Variants in KLC1 observed in about 807,000 individuals in gnomAD.
The protein encoded by KLC1 is kinesin 2 60/70kDa.
A neutral mutation model predicts 84.2 loss-of-function variants in KLC1; 30 were observed. The observed-to-expected ratio is 0.36, with a 90% CI of 0.27 to 0.48. KLC1 has a LOEUF of 0.48. Ranked by LOEUF, KLC1 falls within the 20% of genes least tolerant of loss-of-function variation. The pLI is 0.99. For missense variants in KLC1, 499 were observed against 805.4 expected, an observed-to-expected ratio of 0.62 and a Z score of 4.60; for synonymous variants, 289 against 293.3, an observed-to-expected ratio of 0.99 and a Z score of 0.15.
chr14:103,688,404 G>A (rs2081912573), intron 14 of KLC1, among the ~76,000 whole-genome samples: 1 of 152,122 alleles, frequency 6.6e-6, no homozygotes, highest in African/African-American at 2.4e-5. Context: ...TCCCGTCTCG[G>A]CCTCCCAAAT....
intron 13 of KLC1, 126 bp from the exon 14 acceptor site, chr14:103,686,953 ACT>A (rs2081815404): frequency 1.3e-5 from 7 of 527,574 alleles, no homozygotes; most frequent in African/African-American, 5.7e-5. Context: ...TTTCTGCAAG[ACT>A]CTGTCAGCAG....
intron 1 of KLC1, among the ~76,000 whole-genome samples, chr14:103,653,168 G>A (rs1245443262): frequency 1.3e-5 from 2 of 152,106 alleles, no homozygotes; most frequent in African/African-American, 2.4e-5. Context: ...TAAAGAGACA[G>A]GGTCTTGCTC....
At chr14:103,669,217 A>T (rs2080165088) in intron 5 of KLC1, among the ~76,000 whole-genome samples, 1 of 151,870 alleles carries the variant, frequency 6.6e-6, no homozygotes, top group Non-Finnish European at 1.5e-5. Context: ...CGGGTGGATC[A>T]TGAGGTCAGG....
At chr14:103,670,961 G>T (rs1464085531) in intron 7 of KLC1, among the ~76,000 whole-genome samples, 4 of 152,022 alleles carry the variant, frequency 2.6e-5, no homozygotes, top group Non-Finnish European at 4.4e-5. Context: ...TGAGGCGTGT[G>T]CATTTAGAAA....
intron 15 of KLC1, 113 bp from the exon 16 acceptor site, chr14:103,700,542 G>A (rs1243425157): frequency 5.9e-6 from 5 of 841,060 alleles, no homozygotes; most frequent in Non-Finnish European, 9.4e-6. Context: ...CCCCTAGGCT[G>A]TCCCTCAAGT....
chr14:103,669,070 A>G (rs951474983), intron 5 of KLC1, among the ~76,000 whole-genome samples: 1 of 151,854 alleles, frequency 6.6e-6, no homozygotes, highest in East Asian at 1.9e-4. Flanking sequence ...GAGCCACTGC[A>G]CCCGGCCCTG....
rs1595586224 is a variant in KLC1, at chr14:103,694,653, A to G, written c.1848+2228A>G. On this transcript the variant is annotated intron_variant, in intron 15 of 16. Transcript: ENST00000334553. The surrounding 1 kb of genome is among the most constrained non-coding windows in gnomAD (Gnocchi z 4.5). ...AGCAGCGCCACCTCCATGCCAGCCA[A>G]CTAGGCTACGGGATGGAGGGGCGGT... 3 of 985,436 alleles carry G rather than the reference A, an allele frequency of 3.0e-6. No individual in the cohort carries two copies. Among genetic ancestry groups the G allele is most frequent in the Non-Finnish European group, 3.6e-6 (3 of 829,918 alleles). 61.0% of individuals were successfully genotyped at this position (985,436 alleles called of 1,614,324 possible). A position where few individuals can be genotyped will look rare whatever the true frequency, so the allele number is the denominator to read the frequency against.
chr14:103,700,765 C>G, intron 16 of KLC1, 38 bp downstream of exon 16: 1 of 1,506,008 alleles, frequency 6.6e-7, no homozygotes, highest in Non-Finnish European at 9.0e-7. Context: ...AAGCAGGCAG[C>G]TGGGCCAGGG....
chr14:103,667,229 A>G (rs1380509393), intron 5 of KLC1, among the ~76,000 whole-genome samples: 3 of 152,070 alleles, frequency 2.0e-5, no homozygotes, highest in Non-Finnish European at 4.4e-5. Flanking sequence ...CTTCTGCCTC[A>G]GGCTCCCGAG....
chr14:103,691,458 CTTTTTTTTTTTTTTTT>C (rs71126053), intron 14 of KLC1, among the ~76,000 whole-genome samples: 1 of 68,780 alleles, frequency 1.5e-5, no homozygotes, highest in African/African-American at 6.5e-5. Flanking sequence ...CCACGCCTGG[CTTTTTTTTTTTTTTTT>C]TTTTTTTTTT....
At chr14:103,699,130 C>A (rs2151906047) in intron 15 of KLC1, 7 of 1,573,094 alleles carry the variant, frequency 4.4e-6, no homozygotes, top group Non-Finnish European at 6.0e-6. Flanking sequence ...TGGCTGCACT[C>A]ACCCCAGCGG....
chr14:103,686,101 A>G (rs1200039849), intron 13 of KLC1: 2 of 999,308 alleles, frequency 2.0e-6, no homozygotes, highest in African/African-American at 3.5e-5. Context: ...GATATGCCCC[A>G]GTAGCATTTG....
intron 7 of KLC1, among the ~76,000 whole-genome samples, chr14:103,671,787 A>C (rs989552591): frequency 1.3e-5 from 2 of 152,272 alleles, no homozygotes; most frequent in Admixed American, 1.3e-4. Context: ...GGGGCTCCTT[A>C]TCAAATTATA....
intron 1 of KLC1, among the ~76,000 whole-genome samples, chr14:103,644,423 T>C (rs2077741355): frequency 6.6e-6 from 1 of 151,918 alleles, no homozygotes; most frequent in South Asian, 2.1e-4. Context: ...CACACCCGGC[T>C]AATTTTTTTG....
intron 1 of KLC1, among the ~76,000 whole-genome samples, chr14:103,650,713 G>A (rs2078363865): frequency 6.6e-6 from 1 of 151,602 alleles, no homozygotes. Flanking sequence ...CGAGTAGCTG[G>A]GATTGCAGGC....
At chr14:103,687,251 GGCTGCT>G in intron 14 of KLC1, 40 bp downstream of exon 14, 1 of 1,496,692 alleles carries the variant, frequency 6.7e-7, no homozygotes, top group Non-Finnish European at 9.0e-7. Flanking sequence ...CCTGCACGCC[GGCTGCT>G]GGGCCGCTTC....
At chr14:103,643,535 C>T (rs1199423264) in intron 1 of KLC1, among the ~76,000 whole-genome samples, 2 of 152,228 alleles carry the variant, frequency 1.3e-5, no homozygotes, top group African/African-American at 4.8e-5. Flanking sequence ...TGACACAGCC[C>T]TCAGGAAGTC....
At chr14:103,657,421 T>C (rs939315856) in intron 2 of KLC1, 125 bp from the exon 3 acceptor site, 8 of 675,218 alleles carry the variant, frequency 1.2e-5, no homozygotes, top group African/African-American at 7.2e-5. Context: ...ATTGTACTTA[T>C]ATGTACTTTG....
chr14:103,695,014 G>C (rs745628269), intron 15 of KLC1: 1 of 985,296 alleles, frequency 1.0e-6, no homozygotes, highest in African/African-American at 1.7e-5. Context: ...GCCTGTGGCC[G>C]TGGCTCCTTT....
Sources: allele counts gnomAD v4.1 joint callset (sites outside exome capture counted in the v4.1 genomes callset), GRCh38; gene constraint gnomAD v4.1.1; non-coding constraint Gnocchi (gnomAD v3.1); transcripts MANE v1.5; gene names NCBI Gene and HGNC (gene_info 2026-07-23, HGNC 2026-07-21).